The following TRPM1 variants were observed in gnomAD, a reference collection of about 807,000 sequenced individuals.
TRPM1 encodes the protein TRPM1-203 APA Isoform, Intron 10.
A neutral mutation model predicts 149.4 loss-of-function variants in TRPM1; 113 were observed. The ratio of observed to expected loss-of-function variants is 0.76; its 90% CI spans 0.65 to 0.88. TRPM1 has a LOEUF of 0.88. Ranked by LOEUF, TRPM1 falls within the 40% of genes least tolerant of loss-of-function variation. The probability of loss-of-function intolerance (pLI) is 0.00; values close to 1 mark genes in which losing one functional copy is unlikely to be tolerated. For missense variants in TRPM1, 1,976 were observed against 2,038.7 expected (o/e 0.97, Z 0.59); for synonymous variants, 741 against 759.5 (o/e 0.98, Z 0.40).
rs974263803 is a variant in TRPM1, at chr15:31,047,121, C to G, written c.1754G>C (p.Gly585Ala). ...NFRTLYNNLF[G>A]PKRPKALKLL... ...GGCACTGAGTTCTACCCTCTTTGGT[C>G]CAAACAAGTTGTTGTAAAGGGTCCG... Residue 585 changes from glycine (G) to alanine (A), a missense_variant, in exon 15 of 28, where the codon GGA becomes GCA. Coordinates refer to ENST00000256552, the MANE Select transcript of TRPM1 (RefSeq NM_001252024.2). 4.3e-6 allele frequency: 7 copies of G among 1,614,078 alleles called. No homozygotes were observed. The Admixed American group carries it at 6.7e-5, about 15-fold the overall frequency.
chr15:31,036,939 T>C (rs2959041), intron 20 of TRPM1, among the ~76,000 whole-genome samples: 123,118 of 152,170 alleles, frequency 0.81, 50,060 homozygotes, highest in East Asian at 0.95. Context: ...TACCCTGCTC[T>C]CACCTCATCA....
Position 31,076,917 on chromosome 15 carries a change from T to G in TRPM1, c.71A>C (p.Lys24Thr). ...RECIFVIPSM[K>T]DSNRCCCGQF... is the part of the protein sequence containing the mutation. ...GATTTCAATTTACCTGTTAGAGTCT[T>G]TCATGCTAGGAATTACAAAGATACA... The change falls in exon 3 of 28, where the codon AAA (lysine) becomes ACA (threonine). Residue 24 changes from lysine (K) to threonine (T), a missense_variant. Transcript: ENST00000256552. 1 of 1,608,110 alleles carries G rather than the reference T, an allele frequency of 6.2e-7. No individual in the cohort carries two copies. The highest frequency in any genetic ancestry group is 8.5e-7 in the Non-Finnish European group (1 of 1,174,540).
chr15:31,061,403 C>A, intron 10 of TRPM1, 39 bp downstream of exon 10: 1 of 1,601,104 alleles, frequency 6.2e-7, no homozygotes, highest in Non-Finnish European at 8.6e-7. Context: ...GCTAGGCCAA[C>A]ATCAGAGGGA....
At chr15:31,101,807 T>C (rs2035523532), upstream of TRPM1, 1 of 821,226 alleles carries the variant, frequency 1.2e-6, no homozygotes, top group African/African-American at 1.9e-5. Context: ...GCCCTCATGA[T>C]TGCTGTGAAG....
chr15:31,016,976 C>G (rs2032377341), intron 27 of TRPM1, among the ~76,000 whole-genome samples: 1 of 133,882 alleles, frequency 7.5e-6, no homozygotes, highest in Non-Finnish European at 1.7e-5. Context: ...CACACACACA[C>G]ACACACACAC....
chr15:31,032,863 G>A lies in TRPM1; in HGVS notation c.2778C>T (p.Leu926=), dbSNP rs761531039. The change falls in exon 22 of 28, where the codon CTC becomes CTT. Residue 926 remains leucine (L), a synonymous_variant. Transcript: ENST00000256552. ...CAATCATGAATGTGGAAATGGCCAC[G>A]AGATCTGTGATGTTCCAGTACTCCT... ...WLQEYWNITD[L]VAISTFMIGA... The A allele has an allele frequency of 5.3e-5, 85 of 1,614,082 alleles. No individual in the cohort carries two copies. The East Asian group carries it at 1.6e-3, about 30-fold the overall frequency.
chr15:31,004,748 G>A (rs1384599983), intron 27 of TRPM1, among the ~76,000 whole-genome samples: 4 of 152,106 alleles, frequency 2.6e-5, no homozygotes, highest in African/African-American at 7.2e-5. Context: ...ACCAACAGAA[G>A]AATTTTTCAC....
intron 11 of TRPM1, among the ~76,000 whole-genome samples, chr15:31,055,723 T>C (rs1183507366): frequency 6.6e-6 from 1 of 152,174 alleles, no homozygotes. Flanking sequence ...ATACTCTCCT[T>C]CCTAAGCAGG....
At chr15:31,008,096 T>G (rs538702512) in intron 27 of TRPM1, among the ~76,000 whole-genome samples, 1 of 152,362 alleles carries the variant, frequency 6.6e-6, no homozygotes, top group East Asian at 1.9e-4. Context: ...TTTTGTTTTT[T>G]AAAGATTTTA....
chr15:31,092,893 T>G (rs1000771731), intron 1 of TRPM1, among the ~76,000 whole-genome samples: 2 of 152,236 alleles, frequency 1.3e-5, no homozygotes, highest in Non-Finnish European at 2.9e-5. Flanking sequence ...ACAGTGTGAT[T>G]CCATTTGTAT....
intron 1 of TRPM1, among the ~76,000 whole-genome samples, chr15:31,121,186 C>G (rs1204330190): frequency 8.0e-6 from 1 of 124,544 alleles, no homozygotes; most frequent in Non-Finnish European, 1.6e-5. Flanking sequence ...AGATGTGCCA[C>G]TACACTCTGA....
At chr15:31,067,013 T>C in intron 6 of TRPM1, 50 bp downstream of exon 6, 1 of 1,611,094 alleles carries the variant, frequency 6.2e-7, no homozygotes, top group South Asian at 1.1e-5. Flanking sequence ...TACCTCAAAA[T>C]CAATCATTAA....
intron 1 of TRPM1, among the ~76,000 whole-genome samples, chr15:31,118,037 G>A (rs927571432): frequency 6.6e-6 from 1 of 152,174 alleles, no homozygotes; most frequent in African/African-American, 2.4e-5. Context: ...GAGGTGGGAG[G>A]ATCACTTGAG....
chr15:31,156,363 TGAA>T (rs1330886275), intron 1 of TRPM1, among the ~76,000 whole-genome samples: 2 of 152,098 alleles, frequency 1.3e-5, no homozygotes, highest in Non-Finnish European at 2.9e-5. Flanking sequence ...CTCCCACTGC[TGAA>T]GAGATTAGCT....
At chr15:31,046,290 A>T (rs2033761811) in intron 15 of TRPM1, 57 bp from the exon 16 acceptor site, 1 of 1,499,332 alleles carries the variant, frequency 6.7e-7, no homozygotes, top group Non-Finnish European at 9.3e-7. Context: ...TAATGTTAGT[A>T]GTACATTAGC....
chr15:31,019,579 T>C (rs1317666362), intron 27 of TRPM1, among the ~76,000 whole-genome samples: 11 of 152,344 alleles, frequency 7.2e-5, no homozygotes, highest in African/African-American at 2.6e-4. Flanking sequence ...TTTTTGTATT[T>C]TTAGTAGAGA....
At chr15:31,035,437 C>T (rs184123532) in intron 21 of TRPM1, 109 bp downstream of exon 21, 141 of 1,497,438 alleles carry the variant, frequency 9.4e-5, no homozygotes, top group Middle Eastern at 2.4e-4. Flanking sequence ...TGAGCCACCA[C>T]GCCTGGCCCA....
chr15:31,087,663 C>A (rs2035040804), intron 1 of TRPM1, among the ~76,000 whole-genome samples: 1 of 152,130 alleles, frequency 6.6e-6, no homozygotes, highest in Admixed American at 6.5e-5. Context: ...AAAATGTGAT[C>A]TATCCACACA....
At chr15:31,010,350 G>A (rs7179234) in intron 27 of TRPM1, among the ~76,000 whole-genome samples, 13,471 of 152,168 alleles carry the variant, frequency 0.089, 904 homozygotes, top group African/African-American at 0.18. Flanking sequence ...TAGCAGTCTG[G>A]TCATTACTTC....
Sources: allele counts gnomAD v4.1 joint callset (sites outside exome capture counted in the v4.1 genomes callset), GRCh38; gene constraint gnomAD v4.1.1; transcripts MANE v1.5; gene names NCBI Gene and HGNC (gene_info 2026-07-23, HGNC 2026-07-21).